The following MCPH1 variants were observed in gnomAD, a reference collection of about 807,000 sequenced individuals.
MCPH1 encodes the protein microcephalin 1, also known as microcephalin.
In MCPH1, 104 loss-of-function variants were observed where a neutral mutation model predicts 84.5. The ratio of observed to expected loss-of-function variants is 1.23; its 90% CI spans 1.05 to 1.45. MCPH1 has a LOEUF of 1.45. MCPH1 is among the 40% of genes most tolerant of loss of function. The pLI, the probability that MCPH1 is intolerant of heterozygous loss-of-function variation, is 0.00. For missense variants in MCPH1, 1,498 were observed against 1,005.7 expected, an observed-to-expected ratio of 1.49 and a Z score of -6.62; for synonymous variants, 514 against 366.8, an observed-to-expected ratio of 1.40 and a Z score of -4.58.
At chr8:6,511,525 C>A (rs1815090597) in intron 12 of MCPH1, among the ~76,000 whole-genome samples, 1 of 152,078 alleles carries the variant, frequency 6.6e-6, no homozygotes, top group South Asian at 2.1e-4. Context: ...TTCCAGTTTT[C>A]CAACACTTGG....
At chr8:6,530,550 G>A (rs1038732807) in intron 12 of MCPH1, among the ~76,000 whole-genome samples, 1 of 105,206 alleles carries the variant, frequency 9.5e-6, no homozygotes. Context: ...AAAATCTGCA[G>A]TTACTTTTGG....
intron 9 of MCPH1, among the ~76,000 whole-genome samples, chr8:6,456,809 C>G (rs1805727821): frequency 1.3e-5 from 2 of 152,126 alleles, no homozygotes; most frequent in Non-Finnish European, 2.9e-5. Context: ...AGTGGTATTG[C>G]CTCCCTGTGC....
At chr8:6,535,947 C>A (rs554425414) in intron 12 of MCPH1, among the ~76,000 whole-genome samples, 64 of 151,748 alleles carry the variant, frequency 4.2e-4, no homozygotes, top group Non-Finnish European at 7.8e-4. Flanking sequence ...GTCTCAGGTA[C>A]TGGGGAGGCT....
intron 12 of MCPH1, among the ~76,000 whole-genome samples, chr8:6,588,596 C>G (rs905764364): frequency 6.6e-6 from 1 of 152,254 alleles, no homozygotes; most frequent in Non-Finnish European, 1.5e-5. Flanking sequence ...CTGCCTGAGT[C>G]CATGTGAACG....
chr8:6,510,152 T>C (rs1420780539), intron 12 of MCPH1, among the ~76,000 whole-genome samples: 1 of 107,024 alleles, frequency 9.3e-6, no homozygotes, highest in Admixed American at 8.0e-5. Flanking sequence ...TTTGAGGTTG[T>C]TTTTTCTTTT....
At chr8:6,538,091 C>T (rs763359698) in intron 12 of MCPH1, among the ~76,000 whole-genome samples, 1 of 152,058 alleles carries the variant, frequency 6.6e-6, no homozygotes, top group Non-Finnish European at 1.5e-5. Context: ...GCAACCATCT[C>T]TCACACACAC....
At chr8:6,556,071 G>C (rs576260385) in intron 12 of MCPH1, among the ~76,000 whole-genome samples, 1 of 152,234 alleles carries the variant, frequency 6.6e-6, no homozygotes, top group Non-Finnish European at 1.5e-5. Flanking sequence ...TCTCAAGATC[G>C]ATGTCCCAGT....
At chr8:6,467,788 G>C (rs185052349) in intron 9 of MCPH1, among the ~76,000 whole-genome samples, 1 of 152,168 alleles carries the variant, frequency 6.6e-6, no homozygotes, top group Admixed American at 6.5e-5. Flanking sequence ...TTTAGAGATG[G>C]GATTTGGCTG....
chr8:6,565,833 C>A (rs1826101010), intron 12 of MCPH1, among the ~76,000 whole-genome samples: 2 of 152,154 alleles, frequency 1.3e-5, no homozygotes, highest in South Asian at 4.1e-4. Context: ...TCCGGGTGCA[C>A]AATATGCCAT....
chr8:6,601,740 A>G (rs1208181317), intron 12 of MCPH1, among the ~76,000 whole-genome samples: 3 of 71,684 alleles, frequency 4.2e-5, no homozygotes, highest in Non-Finnish European at 9.2e-5. Flanking sequence ...CACATACCAC[A>G]TATACCCACA....
intron 12 of MCPH1, among the ~76,000 whole-genome samples, chr8:6,551,340 G>T (rs1451492176): frequency 6.6e-6 from 1 of 152,138 alleles, no homozygotes. Context: ...TTCTATGCAT[G>T]TCAGCTGCAA....
chr8:6,534,248 A>G (rs1397721237), intron 12 of MCPH1, among the ~76,000 whole-genome samples: 1 of 152,234 alleles, frequency 6.6e-6, no homozygotes, highest in Admixed American at 6.5e-5. Flanking sequence ...AAAAATTGTA[A>G]AACAATACAG....
chr8:6,520,400 C>A (rs1232584468), intron 12 of MCPH1, among the ~76,000 whole-genome samples: 1 of 152,054 alleles, frequency 6.6e-6, no homozygotes, highest in East Asian at 1.9e-4. Flanking sequence ...GTATCATGAC[C>A]CCATTGCCTG....
chr8:6,465,672 G>T (rs1319675953), intron 9 of MCPH1, among the ~76,000 whole-genome samples: 1 of 152,150 alleles, frequency 6.6e-6, no homozygotes, highest in African/African-American at 2.4e-5. Flanking sequence ...AACAAGGAAG[G>T]GCGGAGGGCG....
intron 12 of MCPH1, chr8:6,527,825 T>C (rs1040005849): frequency 7.6e-5 from 60 of 793,496 alleles, no homozygotes; most frequent in Non-Finnish European, 1.1e-4. Flanking sequence ...ATATTTTTCA[T>C]TTTCAGAAAA....
In MCPH1 at chr8:6,499,869, A is replaced by G; in HGVS notation, c.2154A>G (p.Glu718=). 6.2e-7 allele frequency: 1 copy of G among 1,613,330 alleles called. No individual in the cohort carries two copies. Among genetic ancestry groups the G allele is most frequent in the Middle Eastern group, 1.8e-4 (1 of 5,458 alleles). ...LSYDWVLWSL[E]LGHWISEEPF... ...ACTTGCAGGTGCTATGGTCTTTAGA[A>G]TTGGGTCACTGGATTTCTGAGGAGC... The change falls in exon 12 of 14, where the codon GAA becomes GAG. Residue 718 remains glutamate (E), a synonymous_variant. Coordinates refer to ENST00000344683, the MANE Select transcript of MCPH1 (RefSeq NM_024596.5).
At chr8:6,609,140 ATCAAAGTTTCTATAAGTTGTGTAGTTCTT>A (rs565146622) in intron 12 of MCPH1, among the ~76,000 whole-genome samples, 103 of 152,330 alleles carry the variant, frequency 6.8e-4, no homozygotes, top group African/African-American at 2.5e-3. Context: ...TAAGGATGAA[ATCAAAGTTTCTATAAGTTGTGTAGTTCTT>A]TCCCTGTGCA....
In MCPH1 at chr8:6,645,189, C is replaced by T. The variant is rs1798154916; in HGVS notation, c.*2140C>T. The T allele has an allele frequency of 6.6e-6, 1 of 152,408 alleles. No homozygotes were observed. Among genetic ancestry groups the T allele is most frequent in the Non-Finnish European group, 1.5e-5 (1 of 68,100 alleles). The allele number at this position is 152,408 out of a possible 1,614,324, so 9.4% of individuals were successfully genotyped here. Reference sequence around the variant, plus strand: ...ACGGAGCCAGCCCAGCCTCTGCCCACCCAGGCCTCAGTCCCCAGTGTTAAG... The same window carrying T: ...ACGGAGCCAGCCCAGCCTCTGCCCATCCAGGCCTCAGTCCCCAGTGTTAAG... On this transcript the variant is annotated 3_prime_UTR_variant, in exon 14 of 14. Transcript: ENST00000344683.
intron 12 of MCPH1, chr8:6,527,554 C>T (rs1191643122): frequency 2.5e-6 from 4 of 1,613,192 alleles, no homozygotes; most frequent in Non-Finnish European, 1.7e-6. Flanking sequence ...ACTGTTATTA[C>T]CTGTTCTTAT....
Sources: gnomAD v4.1 joint callset for allele counts (sites outside exome capture counted in the v4.1 genomes callset) on GRCh38, gnomAD v4.1.1 for gene constraint, MANE v1.5 for transcripts, NCBI Gene and HGNC (gene_info 2026-07-23, HGNC 2026-07-21) for gene names.